The following CCDC102B variants were observed in gnomAD, a reference collection of about 807,000 sequenced individuals.
The protein encoded by CCDC102B is coiled-coil domain containing 102B.
In CCDC102B, 75 loss-of-function variants were observed where a neutral mutation model predicts 57.4. That is an observed-to-expected ratio of 1.31 (90% CI 1.08 to 1.58). The LOEUF (loss-of-function observed/expected upper bound fraction) is 1.58, where lower values mean the gene tolerates loss of function less well. CCDC102B is among the 40% of genes most tolerant of loss of function. The pLI, the probability that CCDC102B is intolerant of heterozygous loss-of-function variation, is 0.00. For synonymous variants in CCDC102B, 206 were observed against 201.9 expected, an observed-to-expected ratio of 1.02 and a Z score of -0.17; for missense variants, 636 against 582.6, an observed-to-expected ratio of 1.09 and a Z score of -0.94.
chr18:68,977,087 A>G (rs1210739103), intron 6 of CCDC102B, among the ~76,000 whole-genome samples: 4 of 151,950 alleles, frequency 2.6e-5, no homozygotes, highest in Non-Finnish European at 5.9e-5. Context: ...GCTAACATTA[A>G]TTGCATCTTA....
intron 6 of CCDC102B, among the ~76,000 whole-genome samples, chr18:69,007,790 A>T (rs1396057141): frequency 1.3e-5 from 2 of 152,244 alleles, no homozygotes; most frequent in African/African-American, 4.8e-5. Context: ...TAGAACATGA[A>T]TGCCAGGGCT....
At chr18:68,839,431 TGGC>T (rs1275970159) in intron 3 of CCDC102B, among the ~76,000 whole-genome samples, 3 of 152,254 alleles carry the variant, frequency 2.0e-5, no homozygotes, top group African/African-American at 7.2e-5. Context: ...TATGTGATGT[TGGC>T]TGTTGCCCCT....
At chr18:68,719,318 G>T (rs1404579529) in intron 2 of CCDC102B, among the ~76,000 whole-genome samples, 1 of 152,164 alleles carries the variant, frequency 6.6e-6, no homozygotes, top group East Asian at 1.9e-4. Context: ...TGAAGACCAA[G>T]AAGTCTTAAT....
intron 2 of CCDC102B, among the ~76,000 whole-genome samples, chr18:68,790,373 G>T (rs981545852): frequency 7.9e-5 from 12 of 151,198 alleles, no homozygotes; most frequent in South Asian, 4.2e-4. Context: ...TCGAGCTTCT[G>T]GGCTGCTTTG....
intron 7 of CCDC102B, among the ~76,000 whole-genome samples, chr18:69,042,115 G>T (rs1451559872): frequency 6.6e-6 from 1 of 152,032 alleles, no homozygotes. Flanking sequence ...GAAAATAAGG[G>T]TGGAACGAAT....
chr18:68,819,431 G>T (rs1226619764), intron 1 of CCDC102B, among the ~76,000 whole-genome samples: 2 of 151,904 alleles, frequency 1.3e-5, no homozygotes, highest in Non-Finnish European at 2.9e-5. Flanking sequence ...TCTTTCATTT[G>T]TCTATTTGTC....
chr18:68,884,278 A>G (rs1360082538), intron 5 of CCDC102B, among the ~76,000 whole-genome samples: 1 of 152,156 alleles, frequency 6.6e-6, no homozygotes, highest in East Asian at 1.9e-4. Flanking sequence ...TCACTTATGA[A>G]AAAAATGGTT....
intron 1 of CCDC102B, among the ~76,000 whole-genome samples, chr18:68,834,247 AAGTTAATG>A (rs2144778012): frequency 6.6e-6 from 1 of 152,220 alleles, no homozygotes; most frequent in East Asian, 1.9e-4. Flanking sequence ...AGTGAAATAA[AAGTTAATG>A]AGACATTTAA....
At chr18:68,941,264 T>A (rs1053425457) in intron 6 of CCDC102B, among the ~76,000 whole-genome samples, 2 of 149,692 alleles carry the variant, frequency 1.3e-5, no homozygotes, top group African/African-American at 2.5e-5. Context: ...AGCACAAAAA[T>A]AAAAAAAAAA....
intron 6 of CCDC102B, among the ~76,000 whole-genome samples, chr18:68,928,217 G>C (rs113574321): frequency 1.3e-5 from 2 of 151,994 alleles, no homozygotes; most frequent in Non-Finnish European, 2.9e-5. Flanking sequence ...TTACGGTTTC[G>C]AGTACTATAC....
chr18:68,766,346 A>G (rs1356488036), intron 2 of CCDC102B, among the ~76,000 whole-genome samples: 1 of 152,160 alleles, frequency 6.6e-6, no homozygotes, highest in African/African-American at 2.4e-5. Context: ...CCTGCATCTG[A>G]CCCAGTGATA....
chr18:68,855,776 T>G (rs1487704365), intron 4 of CCDC102B, among the ~76,000 whole-genome samples: 1 of 152,144 alleles, frequency 6.6e-6, no homozygotes, highest in East Asian at 1.9e-4. Context: ...AGCACTTTTT[T>G]CTGCCACAAC....
chr18:68,742,643 T>C (rs2033441592), intron 2 of CCDC102B, among the ~76,000 whole-genome samples: 1 of 152,222 alleles, frequency 6.6e-6, no homozygotes, highest in African/African-American at 2.4e-5. Flanking sequence ...GGTGGGTGTC[T>C]GGTAGGGCTG....
At chr18:69,032,651 C>T (rs968683056) in intron 7 of CCDC102B, among the ~76,000 whole-genome samples, 2 of 152,070 alleles carry the variant, frequency 1.3e-5, no homozygotes, top group African/African-American at 4.8e-5. Context: ...CTTATCAAGG[C>T]GGCACACCAT....
chr18:69,036,986 G>T (rs2052309857), intron 7 of CCDC102B, among the ~76,000 whole-genome samples: 1 of 150,604 alleles, frequency 6.6e-6, no homozygotes, highest in African/African-American at 2.5e-5. Context: ...TATGTATGTT[G>T]TATGTTGTGT....
intron 1 of CCDC102B, among the ~76,000 whole-genome samples, chr18:68,823,982 A>T (rs2036803589): frequency 7.5e-6 from 1 of 132,566 alleles, no homozygotes. Context: ...TTTGTGAATA[A>T]TTTTTTCCCA....
At chr18:69,041,816 T>A (rs541365041) in intron 7 of CCDC102B, among the ~76,000 whole-genome samples, 1 of 152,208 alleles carries the variant, frequency 6.6e-6, no homozygotes, top group East Asian at 1.9e-4. Context: ...GTTGGTTTGC[T>A]CTTGCTTCAC....
intron 6 of CCDC102B, among the ~76,000 whole-genome samples, chr18:68,948,855 T>C (rs1435631628): frequency 1.3e-5 from 2 of 152,252 alleles, no homozygotes; most frequent in African/African-American, 4.8e-5. Context: ...ATAATTAACA[T>C]GCTAGGTGAT....
At chr18:68,746,309 T>G (rs539450558) in intron 2 of CCDC102B, among the ~76,000 whole-genome samples, 1 of 152,262 alleles carries the variant, frequency 6.6e-6, no homozygotes, top group East Asian at 1.9e-4. Flanking sequence ...GATAAAACAT[T>G]TGTAGATTAC....
Sources: allele counts gnomAD v4.1 joint callset (sites outside exome capture counted in the v4.1 genomes callset), GRCh38; gene constraint gnomAD v4.1.1; transcripts MANE v1.5; gene names NCBI Gene and HGNC (gene_info 2026-07-23, HGNC 2026-07-21).